Variants in PRKACB observed in about 807,000 individuals in gnomAD.
The protein encoded by PRKACB is protein kinase cAMP-activated catalytic subunit beta.
PRKACB carries 16 observed loss-of-function variants against 51.4 expected under a neutral mutation model. The observed-to-expected ratio is 0.31, with a 90% CI of 0.21 to 0.47. The LOEUF is 0.47. PRKACB is among the 20% of genes least tolerant of loss of function. The pLI is 1.00. For missense variants in PRKACB, 309 were observed against 464.5 expected (o/e 0.67, Z 3.08); for synonymous variants, 147 against 154.4 (o/e 0.95, Z 0.35).
intron 5 of PRKACB, among the ~76,000 whole-genome samples, chr1:84,193,908 A>T (rs1017938350): frequency 6.6e-6 from 1 of 152,184 alleles, no homozygotes; most frequent in Non-Finnish European, 1.5e-5. Flanking sequence ...TCATAAAATG[A>T]TGGTGGCAGA....
At chr1:84,197,552 A>G (rs1668553554) in intron 6 of PRKACB, among the ~76,000 whole-genome samples, 177 bp from the exon 7 acceptor site, 1 of 151,964 alleles carries the variant, frequency 6.6e-6, no homozygotes. Flanking sequence ...TCCAACTTGG[A>G]TTGTTTAAAC....
chr1:84,210,951 T>C (rs1157038575), intron 8 of PRKACB, among the ~76,000 whole-genome samples: 1 of 152,180 alleles, frequency 6.6e-6, no homozygotes, highest in Admixed American at 6.6e-5. Context: ...CCCAAAATAC[T>C]TTAAATATGT....
intron 1 of PRKACB, among the ~76,000 whole-genome samples, chr1:84,150,044 C>G (rs1459300895): frequency 6.6e-6 from 1 of 152,096 alleles, no homozygotes; most frequent in Non-Finnish European, 1.5e-5. Context: ...GTGGGCAGAT[C>G]CCTTGCAGTC....
chr1:84,194,845 G>A (rs1667770697), intron 5 of PRKACB, among the ~76,000 whole-genome samples: 1 of 152,042 alleles, frequency 6.6e-6, no homozygotes, highest in South Asian at 2.1e-4. Flanking sequence ...GACTGAGGTG[G>A]GAAGATTGCA....
At chr1:84,108,385 T>C (rs971462634) in intron 1 of PRKACB, among the ~76,000 whole-genome samples, 3 of 151,814 alleles carry the variant, frequency 2.0e-5, no homozygotes, top group Non-Finnish European at 4.4e-5. Context: ...AAAGAAAAAC[T>C]ATTGGGTATA....
intron 9 of PRKACB, among the ~76,000 whole-genome samples, chr1:84,219,291 C>T (rs1673336520): frequency 6.7e-6 from 1 of 150,168 alleles, no homozygotes; most frequent in African/African-American, 2.5e-5. Context: ...ACGGTACAAT[C>T]TCGGCTCGCT....
At chr1:84,109,351 G>A (rs1650030371) in intron 1 of PRKACB, among the ~76,000 whole-genome samples, 1 of 151,704 alleles carries the variant, frequency 6.6e-6, no homozygotes, top group Non-Finnish European at 1.5e-5. Context: ...ATTGCATGAG[G>A]GTTCTCATTA....
intron 8 of PRKACB, among the ~76,000 whole-genome samples, chr1:84,206,022 G>A (rs1396937072): frequency 6.6e-6 from 1 of 151,962 alleles, no homozygotes; most frequent in African/African-American, 2.4e-5. Flanking sequence ...GGTCTCTATA[G>A]CACCTTTGTC....
At chr1:84,187,872 G>A (rs1665639346) in intron 5 of PRKACB, among the ~76,000 whole-genome samples, 1 of 152,120 alleles carries the variant, frequency 6.6e-6, no homozygotes, top group Admixed American at 6.6e-5. Flanking sequence ...TCCTGGTCCT[G>A]CCAGGAAGTA....
chr1:84,198,739 C>CAGA (rs1668899700), intron 7 of PRKACB, among the ~76,000 whole-genome samples: 1 of 150,372 alleles, frequency 6.7e-6, no homozygotes, highest in Admixed American at 6.6e-5. Context: ...TTAGAAAATA[C>CAGA]AGAAAAACAT....
At position 84,234,495 on chromosome 1, in the gene PRKACB, G is replaced by A. The variant is rs559990398; in HGVS notation, c.1072-685G>A. On this transcript the variant is annotated intron_variant, in intron 9 of 9. Coordinates refer to ENST00000370685, the MANE Select transcript of PRKACB (RefSeq NM_182948.4). ...TACCTAAGCAAGCCTGGGCAATGGC[G>A]GGCGCCCCTCCCCCAGCCTCACTGC... Among the ~76,000 whole-genome samples the A allele has an allele frequency of 9.5e-4, 145 of 152,334 alleles. 1 individual carries two copies. Among genetic ancestry groups the A allele is most frequent in the Admixed American group, 4.7e-3 (72 of 15,306 alleles).
At chr1:84,102,357 A>G (rs1438967978) in intron 1 of PRKACB, among the ~76,000 whole-genome samples, 1 of 152,168 alleles carries the variant, frequency 6.6e-6, no homozygotes, top group Non-Finnish European at 1.5e-5. Context: ...ACTGCACTCC[A>G]GCCTAGGCGA....
At chr1:84,109,325 A>C (rs1055277633) in intron 1 of PRKACB, among the ~76,000 whole-genome samples, 2 of 151,916 alleles carry the variant, frequency 1.3e-5, no homozygotes, top group Admixed American at 1.3e-4. Flanking sequence ...TGGTTGTATG[A>C]ATTTGCACTA....
chr1:84,208,978 A>G (rs146632062), intron 8 of PRKACB, among the ~76,000 whole-genome samples: 1,743 of 152,252 alleles, frequency 0.011, 44 homozygotes, highest in African/African-American at 0.04. Flanking sequence ...CTTTTATTTC[A>G]TTTAACTCTC....
chr1:84,162,220 T>G (rs1656281302), intron 1 of PRKACB, among the ~76,000 whole-genome samples: 1 of 152,116 alleles, frequency 6.6e-6, no homozygotes, highest in African/African-American at 2.4e-5. Flanking sequence ...TTTCATGACT[T>G]TTCTCCTTAC....
At chr1:84,192,614 G>A (rs566575094) in intron 5 of PRKACB, among the ~76,000 whole-genome samples, 4 of 152,184 alleles carry the variant, frequency 2.6e-5, no homozygotes, top group African/African-American at 9.6e-5. Context: ...CTCCAGAAGG[G>A]AACTTGTCTC....
chr1:84,231,575 A>G (rs978325683), intron 9 of PRKACB, among the ~76,000 whole-genome samples: 2 of 152,152 alleles, frequency 1.3e-5, no homozygotes, highest in Non-Finnish European at 2.9e-5. Flanking sequence ...TTGGTAAGCT[A>G]TTGATTATTG....
chr1:84,226,867 T>C (rs554421170), intron 9 of PRKACB, among the ~76,000 whole-genome samples: 8 of 152,308 alleles, frequency 5.3e-5, no homozygotes, highest in Non-Finnish European at 1.0e-4. Context: ...CCACCAAATA[T>C]AAAGTTGGCC....
intron 1 of PRKACB, among the ~76,000 whole-genome samples, chr1:84,099,861 T>G (rs996809057): frequency 3.9e-5 from 6 of 152,170 alleles, no homozygotes; most frequent in Middle Eastern, 3.2e-3. Flanking sequence ...TAGCTATTGT[T>G]TTTAAGGGAA....
Sources: allele counts gnomAD v4.1 joint callset (sites outside exome capture counted in the v4.1 genomes callset), GRCh38; gene constraint gnomAD v4.1.1; transcripts MANE v1.5; gene names NCBI Gene and HGNC (gene_info 2026-07-23, HGNC 2026-07-21).